GRAMD1C: variants seen among roughly 807,000 people sequenced by gnomAD.
GRAMD1C encodes protein Aster-C.
GRAMD1C carries 89 observed loss-of-function variants against 97.8 expected under a neutral mutation model. The ratio of observed to expected loss-of-function variants is 0.91; its 90% CI spans 0.77 to 1.09. The LOEUF (loss-of-function observed/expected upper bound fraction) is 1.09. GRAMD1C is among the 50% of genes least tolerant of loss of function. GRAMD1C has a pLI of 0.00. For missense variants in GRAMD1C, 740 were observed against 766.4 expected (o/e 0.97, Z 0.41); for synonymous variants, 256 against 267.0 (o/e 0.96, Z 0.40).
chr3:113,920,381 T>C (rs1936996792), intron 10 of GRAMD1C, among the ~76,000 whole-genome samples: 1 of 152,222 alleles, frequency 6.6e-6, no homozygotes, highest in African/African-American at 2.4e-5. Flanking sequence ...TCTCCATGTA[T>C]ATACATTTTA....
At chr3:113,869,143 G>A (rs763320502) in intron 2 of GRAMD1C, among the ~76,000 whole-genome samples, 17 of 152,058 alleles carry the variant, frequency 1.1e-4, no homozygotes, top group Non-Finnish European at 2.1e-4. Context: ...ATGGGAACAG[G>A]CCCAGGAATG....
At chr3:113,839,232 C>T (rs1709712480) in intron 1 of GRAMD1C, among the ~76,000 whole-genome samples, 1 of 152,096 alleles carries the variant, frequency 6.6e-6, no homozygotes, top group African/African-American at 2.4e-5. Flanking sequence ...TTGGGTCAGG[C>T]CCCATGGTCG....
chr3:113,845,471 T>G (rs761419726), intron 2 of GRAMD1C, among the ~76,000 whole-genome samples: 3 of 152,024 alleles, frequency 2.0e-5, no homozygotes, highest in Admixed American at 6.6e-5. Context: ...GTGGGCAGAT[T>G]GCTTGAGCCC....
At chr3:113,931,369 T>C (rs1937413411) in intron 11 of GRAMD1C, among the ~76,000 whole-genome samples, 1 of 151,790 alleles carries the variant, frequency 6.6e-6, no homozygotes, top group Non-Finnish European at 1.5e-5. Flanking sequence ...CAAATTTTTT[T>C]TTTTTTTTTG....
intron 2 of GRAMD1C, among the ~76,000 whole-genome samples, chr3:113,849,233 A>G (rs1026137336): frequency 2.0e-5 from 3 of 151,978 alleles, no homozygotes; most frequent in African/African-American, 7.2e-5. Context: ...ATTTTTTAAT[A>G]GAAGTAATAG....
chr3:113,939,937 G>T lies in GRAMD1C; in HGVS notation c.1743G>T (p.Lys581Asn). 2 of 1,611,328 alleles carry T rather than the reference G, an allele frequency of 1.2e-6. No individual in the cohort carries two copies. The highest frequency in any genetic ancestry group is 1.3e-5 in the African/African-American group (1 of 74,958). ...TGACACTGTTTCTGAAGCTGTCAAA[G>T]ATAGAACATGCTGCTCAGTCCTTTT... ...LNVTLFLKLS[K>N]IEHAAQSFYR... Residue 581 changes from lysine (K) to asparagine (N), a missense_variant, in exon 16 of 18, where the codon AAG becomes AAT. Physicochemically the swap from Lys to Asn is moderately conservative, Grantham distance 94 (BLOSUM62 0). Coordinates refer to ENST00000358160, the MANE Select transcript of GRAMD1C (RefSeq NM_017577.5).
rs773711093 is a variant in GRAMD1C at position 113,904,157 on chromosome 3, G to A, written c.674G>A (p.Ser225Asn). The A allele has an allele frequency of 7.5e-6, 12 of 1,609,742 alleles. No individual in the cohort carries two copies. In the South Asian group the frequency reaches 1.2e-4, roughly 16 times the overall value. ...TCTTACAGAAGTCCAGGAAGAAGCA[G>A]CTTGGATGACTCTGGGGAGAGAGAT... ...DVQPRSPGRS[S>N]LDDSGERDEK... The change falls in exon 8 of 18, where the codon AGC becomes AAC. Residue 225 changes from serine (S) to asparagine (N), a missense_variant. By Grantham distance (46) the Ser-to-Asn change is conservative. Transcript: ENST00000358160.
intron 10 of GRAMD1C, chr3:113,919,927 G>A: frequency 1.5e-6 from 1 of 657,110 alleles, no homozygotes; most frequent in Non-Finnish European, 2.9e-6. Context: ...TGAAATAATG[G>A]ATGGTGCACC....
At chr3:113,876,723 C>T (rs1935052111) in intron 5 of GRAMD1C, among the ~76,000 whole-genome samples, 1 of 151,632 alleles carries the variant, frequency 6.6e-6, no homozygotes, top group Non-Finnish European at 1.5e-5. Flanking sequence ...TCTGCCATTT[C>T]TTAGTGGGGA....
At chr3:113,928,992 A>G (rs1241728340) in intron 10 of GRAMD1C, among the ~76,000 whole-genome samples, 1 of 152,180 alleles carries the variant, frequency 6.6e-6, no homozygotes, top group Non-Finnish European at 1.5e-5. Flanking sequence ...ATGCCTAGGA[A>G]TGGAATTGCT....
At position 113,946,078 on chromosome 3, in the gene GRAMD1C, T is replaced by A. The variant is rs1457170498; in HGVS notation, c.*600T>A. The A allele has an allele frequency of 1.3e-5, 2 of 152,522 alleles. No homozygotes were observed. Among genetic ancestry groups the A allele is most frequent in the African/African-American group, 4.8e-5 (2 of 41,464 alleles). 9.4% of individuals were successfully genotyped at this position (152,522 alleles called of 1,614,324 possible). A position where few individuals can be genotyped will look rare whatever the true frequency, so the allele number is the denominator to read the frequency against. ...TCAGAAAGGGTCTTCTGCCATGCTG[T>A]ATCTTTATGAAAGAAATAGTTGTTT... On this transcript the variant is annotated 3_prime_UTR_variant, in exon 18 of 18. Transcript: ENST00000358160.
At chr3:113,831,153 G>T (rs1041870235) in intron 1 of GRAMD1C, among the ~76,000 whole-genome samples, 4 of 152,120 alleles carry the variant, frequency 2.6e-5, no homozygotes, top group Non-Finnish European at 5.9e-5. Flanking sequence ...TTTATTCAAA[G>T]TTTTCCAGTT....
At chr3:113,860,864 G>T (rs1424156181) in intron 2 of GRAMD1C, among the ~76,000 whole-genome samples, 1 of 151,720 alleles carries the variant, frequency 6.6e-6, no homozygotes, top group African/African-American at 2.4e-5. Flanking sequence ...TACTCGGGAC[G>T]CTGAGGCAGG....
intron 17 of GRAMD1C, among the ~76,000 whole-genome samples, chr3:113,940,678 A>G (rs1937732457): frequency 6.6e-6 from 1 of 152,200 alleles, no homozygotes; most frequent in Admixed American, 6.5e-5. Context: ...GATGCATAAT[A>G]TTAAGCTCTT....
chr3:113,908,903 C>T, intron 8 of GRAMD1C, 55 bp from the exon 9 acceptor site: 1 of 1,067,138 alleles, frequency 9.4e-7, no homozygotes, highest in Non-Finnish European at 1.3e-6. Context: ...GTTCTCACTG[C>T]AAAATCTAAG....
intron 1 of GRAMD1C, among the ~76,000 whole-genome samples, chr3:113,841,281 C>CTTT (rs1269088707): frequency 3.4e-4 from 6 of 17,566 alleles, no homozygotes; most frequent in East Asian, 5.3e-3. Context: ...TTCTTTCTTT[C>CTTT]TTTCTTTTTT....
chr3:113,890,984 G>T (rs561483415), intron 6 of GRAMD1C: 109 of 498,022 alleles, frequency 2.2e-4, no homozygotes, highest in African/African-American at 1.8e-3. Context: ...TCTTTGAAAA[G>T]ATCCTGATAT....
In GRAMD1C at chr3:113,888,032, G is replaced by A. The variant is rs371108291; in HGVS notation, c.540+5200G>A. 7.3e-4 allele frequency among the ~76,000 whole-genome samples: 111 copies of A among 152,000 alleles called. 1 individual carries two copies. The highest frequency in any genetic ancestry group is 2.6e-3 in the African/African-American group (107 of 41,486). ...ACCACAGAGAAAAGCCCAGGCCCAG[G>A]TGGCTTCATTGGTGAACCAACTGTT... On this transcript the variant is annotated intron_variant, in intron 6 of 17. Coordinates refer to ENST00000358160, the MANE Select transcript of GRAMD1C (RefSeq NM_017577.5).
chr3:113,846,116 T>G (rs1406923113), intron 2 of GRAMD1C, among the ~76,000 whole-genome samples: 5 of 151,798 alleles, frequency 3.3e-5, no homozygotes, highest in Admixed American at 6.6e-5. Context: ...ACTAATTTTT[T>G]TTTTTTTGAG....
Sources: allele counts gnomAD v4.1 joint callset (sites outside exome capture counted in the v4.1 genomes callset), GRCh38; gene constraint gnomAD v4.1.1; transcripts MANE v1.5; gene names NCBI Gene and HGNC (gene_info 2026-07-23, HGNC 2026-07-21).